Variants in LRRC34 observed in about 807,000 individuals in gnomAD.
LRRC34 encodes the protein leucine rich repeat containing 34.
In LRRC34, 44 loss-of-function variants were observed where a neutral mutation model predicts 48.5. The ratio of observed to expected loss-of-function variants is 0.91; its 90% CI spans 0.71 to 1.17. The LOEUF (loss-of-function observed/expected upper bound fraction) is 1.17, where lower values mean the gene tolerates loss of function less well. Ranked by LOEUF, LRRC34 falls within the 50% of genes most tolerant of loss-of-function variation. The probability of loss-of-function intolerance (pLI) is 0.00; values close to 1 mark genes in which losing one functional copy is unlikely to be tolerated. For synonymous variants in LRRC34, 192 were observed against 197.6 expected (o/e 0.97, Z 0.24); for missense variants, 502 against 563.0 (o/e 0.89, Z 1.10).
intron 9 of LRRC34, 153 bp downstream of exon 9, chr3:169,796,061 T>C (rs1778974839): frequency 2.3e-6 from 3 of 1,314,706 alleles, no homozygotes; most frequent in Non-Finnish European, 2.9e-6. Context: ...ATTTGAAAAA[T>C]AGAAATGTAA....
chr3:169,798,086 A>AG (rs1304387560), intron 7 of LRRC34, among the ~76,000 whole-genome samples: 1 of 152,232 alleles, frequency 6.6e-6, no homozygotes, highest in African/African-American at 2.4e-5. Flanking sequence ...ACCATGCTAA[A>AG]GGGATGCTAT....
At position 169,793,133 on chromosome 3, in the gene LRRC34, G is replaced by A. The variant is rs1778854435; in HGVS notation, c.*502C>T. 3.9e-5 allele frequency among the ~76,000 whole-genome samples: 6 copies of A among 152,180 alleles called. No individual in the cohort carries two copies. The South Asian group carries it at 1.2e-3, about 32-fold the overall frequency. On this transcript the variant is annotated 3_prime_UTR_variant, in exon 11 of 11. Coordinates refer to ENST00000446859, the MANE Select transcript of LRRC34 (RefSeq NM_001172779.2). ...TGGCAGCACTGGCTTGTTGGGAAAG[G>A]GGTATGTATATGTTTATATATATTT...
intron 7 of LRRC34, among the ~76,000 whole-genome samples, chr3:169,799,255 G>A (rs972592772): frequency 2.6e-5 from 4 of 152,210 alleles, no homozygotes; most frequent in African/African-American, 9.6e-5. Flanking sequence ...TTCTGAATAT[G>A]AGAATACTAC....
chr3:169,808,497 C>T, intron 2 of LRRC34, 131 bp downstream of exon 2: 1 of 584,200 alleles, frequency 1.7e-6, no homozygotes, highest in Non-Finnish European at 3.1e-6. Flanking sequence ...ACTTACTTAC[C>T]TGAATCAAAT....
chr3:169,803,214 A>C (rs1242782730), intron 6 of LRRC34, among the ~76,000 whole-genome samples: 1 of 152,126 alleles, frequency 6.6e-6, no homozygotes, highest in African/African-American at 2.4e-5. Flanking sequence ...CTTTTTTAAT[A>C]ATTTTTAGAG....
Position 169,796,826 on chromosome 3 carries a change from T to C in LRRC34, c.827A>G (p.His276Arg). The change falls in exon 8 of 11, where the codon CAT (histidine) becomes CGT (arginine). Residue 276 changes from histidine (H) to arginine (R), a missense_variant. By Grantham distance (29) the His-to-Arg change is conservative. Transcript: ENST00000446859. ...HCLVALHMCK[H>R]DIKNSGIQQL... is the part of the protein sequence containing the mutation. ...TTGTATACCACTGTTTTTTATATCA[T>C]GCTTACACATGTGTAGTGCAACAAG... is the stretch of plus-strand genomic sequence containing the variant. The C allele has an allele frequency of 6.2e-7, 1 of 1,612,172 alleles. No homozygotes were observed. Among genetic ancestry groups the C allele is most frequent in the Non-Finnish European group, 8.5e-7 (1 of 1,179,194 alleles).
At position 169,807,721 on chromosome 3, in the gene LRRC34, C is replaced by T. The variant is rs878866449; in HGVS notation, c.258-12G>A. 3.4e-6 allele frequency: 3 copies of T among 883,734 alleles called. No homozygotes were observed. Among genetic ancestry groups the T allele is most frequent in the African/African-American group, 2.9e-5 (1 of 35,052 alleles). The allele number at this position is 883,734 out of a possible 1,614,324, so 54.7% of individuals were successfully genotyped here. A position where few individuals can be genotyped will look rare whatever the true frequency, so the allele number is the denominator to read the frequency against. ...TTCCTGCTGCTAGCCTGTTAAAATA[C>T]AAAAAAAAAAAAAAAAAAAAAAGAT... On this transcript the variant is annotated splice_polypyrimidine_tract_variant and intron_variant, in intron 2 of 10. Coordinates refer to ENST00000446859, the MANE Select transcript of LRRC34 (RefSeq NM_001172779.2).
Position 169,812,272 on chromosome 3 carries a change from T to G in LRRC34, c.139+138A>C, listed in dbSNP as rs1396645146. 1 of 1,175,458 alleles carries G rather than the reference T, an allele frequency of 8.5e-7. No homozygotes were observed. Among genetic ancestry groups the G allele is most frequent in the African/African-American group, 1.6e-5 (1 of 61,208 alleles). The allele number at this position is 1,175,458 out of a possible 1,614,324, so 72.8% of individuals were successfully genotyped here. On this transcript the variant is annotated intron_variant, in intron 1 of 10. Transcript: ENST00000446859. The surrounding 1 kb of genome is among the most constrained non-coding windows in gnomAD (Gnocchi z 4.3). ...GGCGCCCCAAACCTCTGGCCACAGC[T>G]GGGGTTCCCAGGGGCCCCCCTCCCG...
rs1187751107 is a variant in LRRC34, at chr3:169,796,227, T to G, written c.1051A>C (p.Arg351=). The G allele has an allele frequency of 6.2e-7, 1 of 1,607,988 alleles. No homozygotes were observed. Among genetic ancestry groups the G allele is most frequent in the Admixed American group, 1.7e-5 (1 of 58,246 alleles). ...AACCATACTAACGCTTTAAGACTCC[T>G]GTTGTGTGAAGTAAGAGTTTCACTG... ...YLSETLTSHN[R]SLKALSVVSN... The change falls in exon 9 of 11, where the codon AGG becomes CGG. Residue 351 remains arginine (R), a synonymous_variant. Transcript: ENST00000446859.
chr3:169,800,882 T>C, intron 6 of LRRC34, 128 bp from the exon 7 acceptor site: 1 of 640,546 alleles, frequency 1.6e-6, no homozygotes, highest in South Asian at 2.0e-5. Context: ...CCTTGGACTT[T>C]GAATTGTAAG....
In LRRC34 at chr3:169,795,787, A is replaced by T; in HGVS notation, c.1065-176T>A. ...AGTTTTCTAATTAGATCCTTAAGGT[A>T]CTTAGTAGAGCTAACTACATTTTGA... On this transcript the variant is annotated intron_variant, in intron 9 of 10. Coordinates refer to ENST00000446859, the MANE Select transcript of LRRC34 (RefSeq NM_001172779.2). 4 of 1,307,074 alleles carry T rather than the reference A, an allele frequency of 3.1e-6. No homozygotes were observed. In the East Asian group the frequency reaches 1.2e-4, roughly 39 times the overall value. 81.0% of individuals were successfully genotyped at this position (1,307,074 alleles called of 1,614,324 possible). A position where few individuals can be genotyped will look rare whatever the true frequency, so the allele number is the denominator to read the frequency against.
At chr3:169,796,450 C>T in intron 8 of LRRC34, 81 bp from the exon 9 acceptor site, 1 of 1,446,090 alleles carries the variant, frequency 6.9e-7, no homozygotes, top group African/African-American at 1.5e-5. Context: ...AAAACTTAAA[C>T]AGTACTTTCT....
Position 169,793,841 on chromosome 3 carries a change from A to G in LRRC34, c.1192-3T>C. Reference sequence around the variant, plus strand: ...ATTTGAATTAAGTCTGAATATGCCTAGGATTTTTAGGAAAAAAACTATATC... The same window carrying G: ...ATTTGAATTAAGTCTGAATATGCCTGGGATTTTTAGGAAAAAAACTATATC... On this transcript the variant is annotated splice_region_variant and splice_polypyrimidine_tract_variant and intron_variant, in intron 10 of 10. Transcript: ENST00000446859. 3 of 1,589,554 alleles carry G rather than the reference A, an allele frequency of 1.9e-6. No individual in the cohort carries two copies. The highest frequency in any genetic ancestry group is 1.2e-5 in the South Asian group (1 of 86,270).
chr3:169,795,927 T>C (rs1476582235), intron 9 of LRRC34: 1 of 1,178,314 alleles, frequency 8.5e-7, no homozygotes, highest in East Asian at 4.1e-5. Flanking sequence ...TTAAAAGTCT[T>C]GATCATATTG....
chr3:169,811,233 A>T (rs1193258417), intron 1 of LRRC34, among the ~76,000 whole-genome samples: 1 of 152,168 alleles, frequency 6.6e-6, no homozygotes, highest in Non-Finnish European at 1.5e-5. Context: ...TTAAGAGAAA[A>T]ATTGCCCTGA....
At position 169,812,345 on chromosome 3, in the gene LRRC34, G is replaced by T; in HGVS notation, c.139+65C>A. The T allele has an allele frequency of 1.4e-6, 2 of 1,468,036 alleles. No individual in the cohort carries two copies. The highest frequency in any genetic ancestry group is 2.7e-5 in the South Asian group (2 of 75,044). The allele number at this position is 1,468,036 out of a possible 1,614,324, so 90.9% of individuals were successfully genotyped here. On this transcript the variant is annotated intron_variant, in intron 1 of 10. Transcript: ENST00000446859. This position sits in a 1 kb window ranked among gnomAD's most constrained non-coding sequence, Gnocchi z 4.3. Reference sequence around the variant, plus strand: ...GCTGCTGGGAGGACTCCTGCCGTGCGACCCCGGCGCCCCTCGCGCGTTTTG... The same window carrying T: ...GCTGCTGGGAGGACTCCTGCCGTGCTACCCCGGCGCCCCTCGCGCGTTTTG...
At chr3:169,795,958 T>C (rs567724450) in intron 9 of LRRC34, 2 of 1,195,208 alleles carry the variant, frequency 1.7e-6, no homozygotes, top group South Asian at 6.2e-5. Context: ...AGTTTTCTAT[T>C]AGAATTCAGG....
At chr3:169,808,987 A>T (rs1779474305) in intron 1 of LRRC34, among the ~76,000 whole-genome samples, 1 of 152,192 alleles carries the variant, frequency 6.6e-6, no homozygotes, top group Non-Finnish European at 1.5e-5. Flanking sequence ...CTTGGCAGAC[A>T]CTGGCTCAAG....
intron 1 of LRRC34, among the ~76,000 whole-genome samples, chr3:169,810,036 A>AC (rs1406464289): frequency 1.3e-5 from 2 of 150,292 alleles, no homozygotes; most frequent in Non-Finnish European, 2.9e-5. Flanking sequence ...GGCTCACTGC[A>AC]ACCTCTGCCT....
Sources: gnomAD v4.1 joint callset for allele counts (sites outside exome capture counted in the v4.1 genomes callset) on GRCh38, gnomAD v4.1.1 for gene constraint, Gnocchi (gnomAD v3.1) non-coding constraint, MANE v1.5 for transcripts, NCBI Gene and HGNC (gene_info 2026-07-23, HGNC 2026-07-21) for gene names.